TRA2A: variants seen among roughly 807,000 people sequenced by gnomAD.
TRA2A encodes the protein transformer-2 protein homolog alpha.
A neutral mutation model predicts 45.7 loss-of-function variants in TRA2A; 31 were observed. The observed-to-expected ratio is 0.68, with a 90% CI of 0.51 to 0.92. TRA2A has a LOEUF of 0.92. Among genes scored for constraint, TRA2A ranks in the 40% least tolerant of loss-of-function variants. The pLI is 0.00. For synonymous variants in TRA2A, 132 were observed against 126.2 expected (o/e 1.05, Z -0.31); for missense variants, 304 against 367.5 (o/e 0.83, Z 1.41).
In TRA2A at chr7:23,512,989, G is replaced by A. The variant is rs555904756; in HGVS notation, c.430C>T (p.Pro144Ser). Residue 144 changes from proline to serine, a missense_variant, in exon 4 of 8, where the codon CCA becomes TCA. By Grantham distance (74) the Pro-to-Ser change is moderately conservative (BLOSUM62 -1). Coordinates refer to ENST00000297071, the MANE Select transcript of TRA2A (RefSeq NM_013293.5). ...DLREVFSRYG[P>S]LSGVNVVYDQ... ...TAAACCACATTGACACCACTCAATG[G>A]TCCATATCGAGAAAATACTTCACGA... 1 of 1,613,542 alleles carries A rather than the reference G, an allele frequency of 6.2e-7. No homozygotes were observed. Among genetic ancestry groups the A allele is most frequent in the Non-Finnish European group, 8.5e-7 (1 of 1,179,560 alleles).
intron 2 of TRA2A, among the ~76,000 whole-genome samples, chr7:23,520,320 G>A (rs1053206319): frequency 6.6e-6 from 1 of 152,228 alleles, no homozygotes; most frequent in South Asian, 2.1e-4. Context: ...TAATGGATAT[G>A]TGAATAACAA....
At chr7:23,514,223 A>AC (rs1789758354) in intron 3 of TRA2A, among the ~76,000 whole-genome samples, 1 of 151,122 alleles carries the variant, frequency 6.6e-6, no homozygotes, top group Non-Finnish European at 1.5e-5. Context: ...ATGCACCACC[A>AC]CCCCCAGCTA....
intron 3 of TRA2A, among the ~76,000 whole-genome samples, chr7:23,514,027 A>G (rs1292447440): frequency 6.6e-6 from 1 of 152,152 alleles, no homozygotes; most frequent in African/African-American, 2.4e-5. Context: ...GTGGGAGCTA[A>G]GAACATAAAG....
intron 1 of TRA2A, among the ~76,000 whole-genome samples, chr7:23,522,933 G>C (rs1562799030): frequency 6.6e-6 from 1 of 151,856 alleles, no homozygotes; most frequent in African/African-American, 2.4e-5. Context: ...AAGTCAAAAA[G>C]AAAAAAATCA....
chr7:23,528,048 T>C, intron 1 of TRA2A, among the ~76,000 whole-genome samples: 1 of 152,198 alleles, frequency 6.6e-6, no homozygotes, highest in Non-Finnish European at 1.5e-5. Flanking sequence ...ACACTATCCC[T>C]ACTATAAGAA....
At chr7:23,517,915 A>T (rs1750363844) in intron 2 of TRA2A, among the ~76,000 whole-genome samples, 1 of 150,960 alleles carries the variant, frequency 6.6e-6, no homozygotes, top group African/African-American at 2.5e-5. Flanking sequence ...CTGTCTCAAC[A>T]AACAAACAAA....
Position 23,512,987 on chromosome 7 carries a change from T to C in TRA2A, c.432A>G (p.Pro144=), listed in dbSNP as rs983966562. The C allele has an allele frequency of 1.9e-6, 3 of 1,613,992 alleles. No individual in the cohort carries two copies. The highest frequency in any genetic ancestry group is 3.3e-5 in the Admixed American group (2 of 59,978). Residue 144 remains proline (P), a synonymous_variant, in exon 4 of 8, where the codon CCA becomes CCG. Transcript: ENST00000297071. The stretch of plus-strand genomic sequence containing the variant: ...CATAAACCACATTGACACCACTCAA[T>C]GGTCCATATCGAGAAAATACTTCAC... ...DLREVFSRYG[P]LSGVNVVYDQ...
Position 23,512,946 on chromosome 7 carries a change from C to G in TRA2A, c.473G>C (p.Arg158Pro). The change falls in exon 4 of 8, where the codon CGA (arginine) becomes CCA (proline). Residue 158 changes from arginine to proline, a missense_variant. Transcript: ENST00000297071. ...ATACACAAAAGCAAATCCTCGAGAT[C>G]GCCCAGTTCGCTGATCATAAACCAC... ...VNVVYDQRTGRSRGFAFVYFE... is the reference protein window; with the variant it reads ...VNVVYDQRTGPSRGFAFVYFE... 6.2e-7 allele frequency: 1 copy of G among 1,613,626 alleles called. No homozygotes were observed. Among genetic ancestry groups the G allele is most frequent in the East Asian group, 2.2e-5 (1 of 44,876 alleles).
At chr7:23,523,990 C>T (rs145957380) in intron 1 of TRA2A, among the ~76,000 whole-genome samples, 4 of 152,286 alleles carry the variant, frequency 2.6e-5, no homozygotes, top group African/African-American at 9.6e-5. Context: ...CTGCTACAGT[C>T]CTTCTCAAAC....
chr7:23,510,036 A>T (rs1789524464), intron 4 of TRA2A, among the ~76,000 whole-genome samples: 1 of 152,100 alleles, frequency 6.6e-6, no homozygotes. Flanking sequence ...TCATCTCCAA[A>T]CAAACAAAGA....
chr7:23,513,572 C>T (rs1298896223), intron 3 of TRA2A, among the ~76,000 whole-genome samples: 1 of 151,166 alleles, frequency 6.6e-6, no homozygotes, highest in Non-Finnish European at 1.5e-5. Context: ...GAGCCAAGAT[C>T]GAGCCATTGC....
At chr7:23,530,115 A>G (rs1331547773) in intron 1 of TRA2A, among the ~76,000 whole-genome samples, 1 of 152,236 alleles carries the variant, frequency 6.6e-6, no homozygotes, top group Non-Finnish European at 1.5e-5. Flanking sequence ...GTATGAATGG[A>G]CAGCAAAATT....
chr7:23,507,624 C>A, intron 4 of TRA2A, 89 bp from the exon 5 acceptor site: 1 of 897,332 alleles, frequency 1.1e-6, no homozygotes, highest in Non-Finnish European at 1.8e-6. Context: ...ATATGTAATC[C>A]AAATAAACTC....
intron 1 of TRA2A, among the ~76,000 whole-genome samples, chr7:23,529,656 A>G (rs1790488812): frequency 6.6e-6 from 1 of 152,222 alleles, no homozygotes; most frequent in East Asian, 1.9e-4. Context: ...TCATCCTATA[A>G]AAACTAAAAG....
At position 23,505,500 on chromosome 7, in the gene TRA2A, T is replaced by TAAAAAAAAAA. The variant is rs777556731; in HGVS notation, c.*49_*58dup. The TAAAAAAAAAA allele has an allele frequency of 4.8e-5, 17 of 351,720 alleles. No individual in the cohort carries two copies. The highest frequency in any genetic ancestry group is 7.5e-5 in the Admixed American group (1 of 13,250). 21.8% of individuals were successfully genotyped at this position (351,720 alleles called of 1,614,324 possible). On this transcript the variant is annotated 3_prime_UTR_variant, in exon 8 of 8. Transcript: ENST00000297071. ...CCACAGCTTGGGGAAATCTCAGAATTAAAAAAAAAAAAAAAAAAAAGAGGA... is the reference window on the plus strand; with the variant it reads ...CCACAGCTTGGGGAAATCTCAGAATTAAAAAAAAAAAAAAAAAAAAAAAAAAAAAAGAGGA...
intron 3 of TRA2A, among the ~76,000 whole-genome samples, chr7:23,513,983 A>G (rs778075171): frequency 3.3e-5 from 5 of 152,222 alleles, no homozygotes; most frequent in Non-Finnish European, 7.3e-5. Context: ...TTGGACCAGT[A>G]TAAGCATGTT....
chr7:23,531,620 G>C (rs926269701), intron 1 of TRA2A, 169 bp downstream of exon 1: 4 of 671,758 alleles, frequency 6.0e-6, no homozygotes, highest in South Asian at 1.8e-5. Flanking sequence ...GTGGTGTTTG[G>C]GGAAGGAGTG....
At chr7:23,519,491 G>A (rs978799547) in intron 2 of TRA2A, among the ~76,000 whole-genome samples, 2 of 152,142 alleles carry the variant, frequency 1.3e-5, no homozygotes, top group Non-Finnish European at 1.5e-5. Flanking sequence ...AGGAGGTGGA[G>A]GTTGCAGTGA....
At chr7:23,525,487 TC>T (rs1346428036) in intron 1 of TRA2A, among the ~76,000 whole-genome samples, 1 of 152,198 alleles carries the variant, frequency 6.6e-6, no homozygotes, top group African/African-American at 2.4e-5. Context: ...TCAACTCGTA[TC>T]ATGAATTTTA....
Sources: gnomAD v4.1 joint callset for allele counts (sites outside exome capture counted in the v4.1 genomes callset) on GRCh38, gnomAD v4.1.1 for gene constraint, MANE v1.5 for transcripts, NCBI Gene and HGNC (gene_info 2026-07-23, HGNC 2026-07-21) for gene names.